PCDHB2: variants seen among roughly 807,000 people sequenced by gnomAD.
PCDHB2 encodes the protein protocadherin beta 2.
For missense variants in PCDHB2, 914 were observed against 1,023.1 expected (o/e 0.89, Z 1.45); for synonymous variants, 395 against 464.9 (o/e 0.85, Z 1.93).
chr5:141,095,096 G>A lies in PCDHB2; in HGVS notation c.306G>A (p.Glu102=). 1.9e-6 allele frequency: 3 copies of A among 1,614,166 alleles called. No individual in the cohort carries two copies. The highest frequency in any genetic ancestry group is 2.5e-6 in the Non-Finnish European group (3 of 1,180,022). ...GGGAGGAGCTGTGCGGCCCCACAGA[G>A]CCCTGTGTCCTACCTTTCCAGGTGT... ...LDREELCGPT[E]PCVLPFQVLL... is the part of the protein sequence containing the mutation. Residue 102 remains glutamate, a synonymous_variant, in exon 1 of 1, where the codon GAG becomes GAA. Transcript: ENST00000194155.
rs1554271704 is a variant in PCDHB2 at position 141,097,011 on chromosome 5, G to A, written c.2221G>A (p.Val741Met). 1 of 1,613,692 alleles carries A rather than the reference G, an allele frequency of 6.2e-7. No individual in the cohort carries two copies. The highest frequency in any genetic ancestry group is 8.5e-7 in the Non-Finnish European group (1 of 1,179,956). Residue 741 changes from valine to methionine, a missense_variant, in exon 1 of 1, where the codon GTG becomes ATG. Val to Met is a conservative substitution (Grantham distance 21, BLOSUM62 1). Transcript: ENST00000194155. ...CCCCTTTCCAGGGCAGATGGTGGACGTGAGCGGCACCGGGACCCTGTCCCA... is the reference window on the plus strand; with the variant it reads ...CCCCTTTCCAGGGCAGATGGTGGACATGAGCGGCACCGGGACCCTGTCCCA... ...EGPFPGQMVD[V>M]SGTGTLSQSY...
At position 141,095,745 on chromosome 5, in the gene PCDHB2, G is replaced by A. The variant is rs2149612224; in HGVS notation, c.955G>A (p.Val319Ile). 1 of 1,614,212 alleles carries A rather than the reference G, an allele frequency of 6.2e-7. No homozygotes were observed. Among genetic ancestry groups the A allele is most frequent in the South Asian group, 1.1e-5 (1 of 91,086 alleles). The change falls in exon 1 of 1, where the codon GTA (valine) becomes ATA (isoleucine). Residue 319 changes from valine to isoleucine, a missense_variant. Val to Ile is a conservative substitution (Grantham distance 29). Coordinates refer to ENST00000194155, the MANE Select transcript of PCDHB2 (RefSeq NM_018936.4). ...TTTCGAATCCATCCAGACATACACA[G>A]TAAATATTCAGGCGACAGATGGTGG... Reference protein sequence around the residue: ...LDFESIQTYTVNIQATDGGGL... With the variant: ...LDFESIQTYTINIQATDGGGL...
In PCDHB2 at chr5:141,096,173, C is replaced by T. The variant is rs375371663; in HGVS notation, c.1383C>T (p.Phe461=). Residue 461 remains phenylalanine (F), a synonymous_variant, in exon 1 of 1, where the codon TTC becomes TTT. Coordinates refer to ENST00000194155, the MANE Select transcript of PCDHB2 (RefSeq NM_018936.4). ...PAFTQTSYTL[F]VRENNSPALH... ...TCACCCAAACCTCCTACACCCTGTT[C>T]GTCCGCGAGAACAACAGCCCCGCCC... 13 of 1,613,198 alleles carry T rather than the reference C, an allele frequency of 8.1e-6. No homozygotes were observed. Among genetic ancestry groups the T allele is most frequent in the Non-Finnish European group, 1.0e-5 (12 of 1,180,028 alleles).
rs1751838312 is a variant in PCDHB2, at chr5:141,096,738, G to A, written c.1948G>A (p.Gly650Ser). The A allele has an allele frequency of 6.2e-7, 1 of 1,610,172 alleles. No homozygotes were observed. The highest frequency in any genetic ancestry group is 8.5e-7 in the Non-Finnish European group (1 of 1,179,660). ...QRLVVLVKDN[G>S]EPPRSATATL... ...GCTGGTGGTGCTGGTCAAGGACAAT[G>A]GCGAGCCTCCGCGCTCGGCCACCGC... The change falls in exon 1 of 1, where the codon GGC becomes AGC. Residue 650 changes from glycine (G) to serine (S), a missense_variant. By Grantham distance (56) the Gly-to-Ser change is moderately conservative. Coordinates refer to ENST00000194155, the MANE Select transcript of PCDHB2 (RefSeq NM_018936.4).
Position 141,095,186 on chromosome 5 carries a change from C to G in PCDHB2, c.396C>G (p.Ser132=). The part of the protein sequence containing the change: ...ELRIRDVNDH[S]PVFLDKEILL... ...GGATTAGGGACGTAAATGATCATTC[C>G]CCAGTTTTCCTAGACAAAGAAATAC... The change falls in exon 1 of 1, where the codon TCC becomes TCG. Residue 132 remains serine (S), a synonymous_variant. Transcript: ENST00000194155. 1.2e-6 allele frequency: 2 copies of G among 1,609,938 alleles called. No individual in the cohort carries two copies. Among genetic ancestry groups the G allele is most frequent in the Non-Finnish European group, 1.7e-6 (2 of 1,178,062 alleles).
At position 141,095,398 on chromosome 5, in the gene PCDHB2, A is replaced by G. The variant is rs781829411; in HGVS notation, c.608A>G (p.Asp203Gly). ...LPQLVLNRAL[D>G]REEQPEIRLT... ...CAGCTGGTGCTGAACAGAGCCCTGG[A>G]TCGCGAGGAGCAGCCTGAGATCAGG... is the stretch of plus-strand genomic sequence containing the variant. Residue 203 changes from aspartate (D) to glycine (G), a missense_variant, in exon 1 of 1, where the codon GAT (aspartate) becomes GGT (glycine). By Grantham distance (94) the Asp-to-Gly change is moderately conservative. Transcript: ENST00000194155. 3 of 1,614,048 alleles carry G rather than the reference A, an allele frequency of 1.9e-6. No homozygotes were observed. The highest frequency in any genetic ancestry group is 1.3e-5 in the African/African-American group (1 of 74,938).
rs1378804986 is a variant in PCDHB2, at chr5:141,097,347, G to A, written c.*160G>A. ...TTTATAAATGTATGAGTTTTTTTGC[G>A]GTATAATAAATGTAAATTTTCTTTG... On this transcript the variant is annotated 3_prime_UTR_variant, in exon 1 of 1. Coordinates refer to ENST00000194155, the MANE Select transcript of PCDHB2 (RefSeq NM_018936.4). The A allele has an allele frequency of 1.3e-6, 1 of 781,700 alleles. No individual in the cohort carries two copies. The allele number at this position is 781,700 out of a possible 1,614,324, so 48.4% of individuals were successfully genotyped here.
In PCDHB2 at chr5:141,094,781, C is replaced by A; in HGVS notation, c.-10C>A. On this transcript the variant is annotated 5_prime_UTR_variant, in exon 1 of 1. Coordinates refer to ENST00000194155, the MANE Select transcript of PCDHB2 (RefSeq NM_018936.4). ...GAGCTGGAGCACGTTTGGTGAGAGA[C>A]CAGAAAGCAATGGAGGCCGGAGAGG... 6.5e-7 allele frequency: 1 copy of A among 1,539,314 alleles called. No individual in the cohort carries two copies. Among genetic ancestry groups the A allele is most frequent in the Non-Finnish European group, 8.7e-7 (1 of 1,144,948 alleles).
At position 141,097,966 on chromosome 5, in the gene PCDHB2, T is replaced by A. The variant is rs35312684; in HGVS notation, c.*779T>A. The A allele has an allele frequency of 0.059, 9,022 of 152,388 alleles. 352 individuals carry two copies. The highest frequency in any genetic ancestry group is 0.11 in the South Asian group (523 of 4,830). 9.4% of individuals were successfully genotyped at this position (152,388 alleles called of 1,614,324 possible). On this transcript the variant is annotated 3_prime_UTR_variant, in exon 1 of 1. Coordinates refer to ENST00000194155, the MANE Select transcript of PCDHB2 (RefSeq NM_018936.4). Reference sequence around the variant, plus strand: ...TGCCCACCTCAGCCTCCCAAAGTGCTGGGATTACAGGCGTGAGCCACCGCC... The same window carrying A: ...TGCCCACCTCAGCCTCCCAAAGTGCAGGGATTACAGGCGTGAGCCACCGCC...
Position 141,094,746 on chromosome 5 carries a change from A to T in PCDHB2, c.-45A>T. On this transcript the variant is annotated 5_prime_UTR_variant, in exon 1 of 1. Coordinates refer to ENST00000194155, the MANE Select transcript of PCDHB2 (RefSeq NM_018936.4). ...ATACGGGGAGATAGAGTTAGCGACA[A>T]CGTGAGCCAGAGCTGGAGCACGTTT... The T allele has an allele frequency of 6.9e-7, 1 of 1,444,408 alleles. No homozygotes were observed. The highest frequency in any genetic ancestry group is 9.4e-7 in the Non-Finnish European group (1 of 1,066,696). The allele number at this position is 1,444,408 out of a possible 1,614,324, so 89.5% of individuals were successfully genotyped here.
rs782422148 is a variant in PCDHB2, at chr5:141,096,263, G to C, written c.1473G>C (p.Ser491=). The C allele has an allele frequency of 1.2e-6, 2 of 1,613,098 alleles. No individual in the cohort carries two copies. The highest frequency in any genetic ancestry group is 1.7e-6 in the Non-Finnish European group (2 of 1,180,028). The part of the protein sequence containing the change: ...DSGTNAQVTY[S]LLPPQDPHLP... ...GCACCAACGCCCAGGTCACCTACTC[G>C]CTGCTGCCGCCCCAGGACCCGCACC... Residue 491 remains serine (S), a synonymous_variant, in exon 1 of 1, where the codon TCG becomes TCC. Coordinates refer to ENST00000194155, the MANE Select transcript of PCDHB2 (RefSeq NM_018936.4).
At position 141,095,669 on chromosome 5, in the gene PCDHB2, G is replaced by A. The variant is rs1751795878; in HGVS notation, c.879G>A (p.Thr293=). 1.9e-6 allele frequency: 3 copies of A among 1,614,052 alleles called. No individual in the cohort carries two copies. Among genetic ancestry groups the A allele is most frequent in the Non-Finnish European group, 2.5e-6 (3 of 1,180,038 alleles). The part of the protein sequence containing the change: ...FSQASEDIRK[T]FRLSAKSGEL... ...AAGCATCTGAAGACATTCGCAAAACGTTTCGATTAAGTGCAAAATCGGGAG... is the reference window on the plus strand; with the variant it reads ...AAGCATCTGAAGACATTCGCAAAACATTTCGATTAAGTGCAAAATCGGGAG... The change falls in exon 1 of 1, where the codon ACG becomes ACA. Residue 293 remains threonine, a synonymous_variant. Transcript: ENST00000194155.
chr5:141,095,361 A>T lies in PCDHB2; in HGVS notation c.571A>T (p.Ile191Leu). The part of the protein sequence containing the change: ...HLNLQDSLDG[I>L]ILPQLVLNRA... ...TAATTTACAAGACAGTCTCGATGGC[A>T]TAATATTACCACAGCTGGTGCTGAA... The change falls in exon 1 of 1, where the codon ATA (isoleucine) becomes TTA (leucine). Residue 191 changes from isoleucine (I) to leucine (L), a missense_variant. By Grantham distance (5) the Ile-to-Leu change is conservative. Transcript: ENST00000194155. 1 of 1,613,874 alleles carries T rather than the reference A, an allele frequency of 6.2e-7. No individual in the cohort carries two copies.
rs782345257 is a variant in PCDHB2 at position 141,098,523 on chromosome 5, A to T, written c.*1336A>T. On this transcript the variant is annotated 3_prime_UTR_variant, in exon 1 of 1. Transcript: ENST00000194155. ...CCCTTTCATTTCCCTAGACTTTTCA[A>T]TGCTTTTTTATAAAGGTGCTTGAGT... 2 of 152,086 alleles carry T rather than the reference A, an allele frequency of 1.3e-5. No homozygotes were observed. The highest frequency in any genetic ancestry group is 2.9e-5 in the Non-Finnish European group (2 of 68,008). The allele number at this position is 152,086 out of a possible 1,614,324, so 9.4% of individuals were successfully genotyped here.
At position 141,095,863 on chromosome 5, in the gene PCDHB2, T is replaced by A; in HGVS notation, c.1073T>A (p.Ile358Asn). The A allele has an allele frequency of 1.9e-6, 3 of 1,614,044 alleles. No individual in the cohort carries two copies. Among genetic ancestry groups the A allele is most frequent in the Non-Finnish European group, 2.5e-6 (3 of 1,179,956 alleles). The change falls in exon 1 of 1, where the codon ATC becomes AAC. Residue 358 changes from isoleucine (I) to asparagine (N), a missense_variant. Coordinates refer to ENST00000194155, the MANE Select transcript of PCDHB2 (RefSeq NM_018936.4). The stretch of plus-strand genomic sequence containing the variant: ...ACTATGTCGACACTTATCAATCAGA[T>A]CCCAGAAAACTTGCAGGACACCCTC... ...ELTMSTLINQ[I>N]PENLQDTLIA...
At position 141,095,622 on chromosome 5, in the gene PCDHB2, G is replaced by T. The variant is rs782517398; in HGVS notation, c.832G>T (p.Glu278Ter). 6 of 1,614,184 alleles carry T rather than the reference G, an allele frequency of 3.7e-6. No homozygotes were observed. Among genetic ancestry groups the T allele is most frequent in the Non-Finnish European group, 4.2e-6 (5 of 1,180,040 alleles). ...GGATTTAGACATTGGAACTAATGGA[G>T]AAATATCTTATGCATTTTCCCAAGC... ...ARDLDIGTNG[E>*]ISYAFSQASE... Residue 278 changes from glutamate to a stop codon, truncating the protein, a stop_gained, in exon 1 of 1, where the codon GAA becomes TAA. Transcript: ENST00000194155. LOFTEE classifies it low-confidence loss of function (END_TRUNC).
Position 141,095,679 on chromosome 5 carries a change from A to C in PCDHB2, c.889A>C (p.Ser297Arg), listed in dbSNP as rs782421786. The C allele has an allele frequency of 2.5e-6, 4 of 1,614,234 alleles. No individual in the cohort carries two copies. Among genetic ancestry groups the C allele is most frequent in the Admixed American group, 1.7e-5 (1 of 60,030 alleles). The change falls in exon 1 of 1, where the codon AGT (serine) becomes CGT (arginine). Residue 297 changes from serine (S) to arginine (R), a missense_variant. By Grantham distance (110) the Ser-to-Arg change is moderately radical. Coordinates refer to ENST00000194155, the MANE Select transcript of PCDHB2 (RefSeq NM_018936.4). ...AGACATTCGCAAAACGTTTCGATTAAGTGCAAAATCGGGAGAACTGCTTTT... is the reference window on the plus strand; with the variant it reads ...AGACATTCGCAAAACGTTTCGATTACGTGCAAAATCGGGAGAACTGCTTTT... ...SEDIRKTFRL[S>R]AKSGELLLRQ...
chr5:141,095,861 G>A lies in PCDHB2; in HGVS notation c.1071G>A (p.Gln357=), dbSNP rs782582061. 6.2e-7 allele frequency: 1 copy of A among 1,614,028 alleles called. No individual in the cohort carries two copies. Among genetic ancestry groups the A allele is most frequent in the Non-Finnish European group, 8.5e-7 (1 of 1,179,944 alleles). Residue 357 remains glutamine, a synonymous_variant, in exon 1 of 1, where the codon CAG becomes CAA. Coordinates refer to ENST00000194155, the MANE Select transcript of PCDHB2 (RefSeq NM_018936.4). ...PELTMSTLIN[Q]IPENLQDTLI... ...TAACTATGTCGACACTTATCAATCA[G>A]ATCCCAGAAAACTTGCAGGACACCC...
chr5:141,095,979 CCTT>C lies in PCDHB2; in HGVS notation c.1192_1194del (p.Ser398del), dbSNP rs776587745. On this transcript the variant is annotated inframe_deletion, in exon 1 of 1. Transcript: ENST00000194155. ...AGATGATCTTCCTTTTTTCTTGAAA[CCTT>C]CTGTTGAGAACTTTTACACTCTGGT... The C allele has an allele frequency of 5.4e-4, 872 of 1,614,136 alleles. 2 individuals carry two copies. Among genetic ancestry groups the C allele is most frequent in the Admixed American group, 6.8e-4 (41 of 60,014 alleles).
Sources: allele counts gnomAD v4.1 joint callset, GRCh38; gene constraint gnomAD v4.1.1; transcripts MANE v1.5; gene names NCBI Gene and HGNC (gene_info 2026-07-23, HGNC 2026-07-21).